Variants in HMG20A observed in about 807,000 individuals in gnomAD.
HMG20A encodes high mobility group 20A.
Under a neutral mutation model 43.9 loss-of-function variants are expected in HMG20A, and 17 were observed. The observed-to-expected ratio is 0.39, with a 90% CI of 0.27 to 0.58. The LOEUF (loss-of-function observed/expected upper bound fraction) is 0.58. HMG20A is among the 20% of genes least tolerant of loss of function. HMG20A has a pLI of 0.59. For missense variants in HMG20A, 341 were observed against 438.2 expected (o/e 0.78, Z 1.98); for synonymous variants, 132 against 147.5 (o/e 0.89, Z 0.76).
chr15:77,511,532 A>G, the HMG20A span, among the ~76,000 whole-genome samples: 2 of 152,254 alleles, frequency 1.3e-5, no homozygotes, highest in Non-Finnish European at 2.9e-5. Flanking sequence ...TCGAAAGCAC[A>G]TAAGATAATA....
chr15:77,440,358 G>A (rs961226223), intron 1 of HMG20A, among the ~76,000 whole-genome samples: 1 of 152,116 alleles, frequency 6.6e-6, no homozygotes, highest in African/African-American at 2.4e-5. Context: ...AGAAGTAAAT[G>A]GATAGAAATG....
intron 1 of HMG20A, among the ~76,000 whole-genome samples, chr15:77,434,503 A>G (rs1295684033): frequency 6.6e-6 from 1 of 152,190 alleles, no homozygotes; most frequent in African/African-American, 2.4e-5. Context: ...TCAACAAGGG[A>G]CTTGTAGAGC....
At chr15:77,500,552 C>T in the HMG20A span, among the ~76,000 whole-genome samples, 1 of 139,630 alleles carries the variant, frequency 7.2e-6, no homozygotes, top group Admixed American at 7.7e-5. Context: ...GTTCCCCAAA[C>T]CCTCCCTGTT....
At chr15:77,461,417 C>T (rs977577324) in intron 2 of HMG20A, among the ~76,000 whole-genome samples, 6 of 152,082 alleles carry the variant, frequency 3.9e-5, no homozygotes, top group Admixed American at 2.0e-4. Flanking sequence ...TACGTATATG[C>T]TGATTGGACT....
chr15:77,491,020 T>A, the HMG20A span, among the ~76,000 whole-genome samples: 1 of 152,266 alleles, frequency 6.6e-6, no homozygotes, highest in Non-Finnish European at 1.5e-5. Flanking sequence ...TCCTTTTTAA[T>A]TCTTGACGCT....
chr15:77,471,995 T>A (rs1407343485), intron 6 of HMG20A, among the ~76,000 whole-genome samples, 181 bp downstream of exon 6: 1 of 152,112 alleles, frequency 6.6e-6, no homozygotes, highest in African/African-American at 2.4e-5. Context: ...ACGTTGTGTG[T>A]CTGTCATTGA....
intron 3 of HMG20A, among the ~76,000 whole-genome samples, chr15:77,465,650 C>T (rs2072750717): frequency 6.6e-6 from 1 of 152,046 alleles, no homozygotes; most frequent in South Asian, 2.1e-4. Flanking sequence ...CTGCCTTGGC[C>T]CTCCAAAGTG....
chr15:77,455,181 CTAT>C (rs897855144), intron 1 of HMG20A, among the ~76,000 whole-genome samples: 2 of 150,970 alleles, frequency 1.3e-5, no homozygotes, highest in Admixed American at 1.3e-4. Context: ...GTGATCATCC[CTAT>C]TATTGGGAAA....
chr15:77,469,723 G>A (rs1433300388), intron 4 of HMG20A, among the ~76,000 whole-genome samples: 1 of 151,894 alleles, frequency 6.6e-6, no homozygotes, highest in African/African-American at 2.4e-5. Context: ...ACTGGAGTGC[G>A]GTGGCACACT....
the HMG20A span, among the ~76,000 whole-genome samples, chr15:77,505,372 A>C: frequency 6.6e-6 from 1 of 152,218 alleles, no homozygotes; most frequent in African/African-American, 2.4e-5. Flanking sequence ...CATCTTCTTC[A>C]GTCAGGGGAC....
At chr15:77,503,507 C>A in the HMG20A span, among the ~76,000 whole-genome samples, 1 of 152,124 alleles carries the variant, frequency 6.6e-6, no homozygotes, top group African/African-American at 2.4e-5. Flanking sequence ...CCTAGCTGAC[C>A]CCACTTGAGC....
intron 1 of HMG20A, among the ~76,000 whole-genome samples, chr15:77,425,571 G>C (rs1178468783): frequency 6.6e-6 from 1 of 152,118 alleles, no homozygotes; most frequent in East Asian, 1.9e-4. Flanking sequence ...TGTAAGAACT[G>C]ATCTCTGCTC....
chr15:77,453,253 AAC>A (rs2072620991), intron 1 of HMG20A, among the ~76,000 whole-genome samples: 1 of 152,136 alleles, frequency 6.6e-6, no homozygotes, highest in Non-Finnish European at 1.5e-5. Flanking sequence ...AATAATACAA[AAC>A]ACAATTTGAA....
chr15:77,515,950 C>G, the HMG20A span, among the ~76,000 whole-genome samples: 1 of 152,140 alleles, frequency 6.6e-6, no homozygotes, highest in Admixed American at 6.5e-5. Flanking sequence ...TCCCATGACA[C>G]CCTCCAGGGG....
intron 1 of HMG20A, among the ~76,000 whole-genome samples, chr15:77,436,155 G>A (rs897561664): frequency 2.0e-5 from 3 of 151,956 alleles, no homozygotes; most frequent in African/African-American, 7.3e-5. Flanking sequence ...TCTACATCTC[G>A]AGTATTCCTT....
intron 1 of HMG20A, among the ~76,000 whole-genome samples, chr15:77,444,152 G>A (rs1333449472): frequency 3.9e-5 from 6 of 152,104 alleles, no homozygotes; most frequent in East Asian, 3.9e-4. Context: ...TGATCCTCAC[G>A]GTAGCCCTTT....
chr15:77,443,687 CTT>C (rs1433208429), intron 1 of HMG20A, among the ~76,000 whole-genome samples: 1 of 151,356 alleles, frequency 6.6e-6, no homozygotes, highest in East Asian at 1.9e-4. Flanking sequence ...TCCTTCCAAT[CTT>C]TTTTCTTATG....
chr15:77,429,064 C>T (rs940380187), intron 1 of HMG20A, among the ~76,000 whole-genome samples: 4 of 151,772 alleles, frequency 2.6e-5, no homozygotes, highest in East Asian at 1.9e-4. Flanking sequence ...ATATGTTGGC[C>T]GGGCACAGTG....
Position 77,443,376 on chromosome 15 carries a change from G to GATTATTATTATT in HMG20A, c.-4-15026_-4-15025insTATTATTATTAT, listed in dbSNP as rs1491110236. ...TTATGATGATGATGATGATGATGAT[G>GATTATTATTATT]ATGATTATTATTATTATTATTATTA... On this transcript the variant is annotated intron_variant, in intron 1 of 9. Coordinates refer to ENST00000336216, the MANE Select transcript of HMG20A (RefSeq NM_001304504.2). 5.6e-3 allele frequency among the ~76,000 whole-genome samples: 679 copies of GATTATTATTATT among 121,200 alleles called. 1 individual carries two copies. The highest frequency in any genetic ancestry group is 6.7e-3 in the Admixed American group (78 of 11,648). The allele number at this position is 121,200 out of a possible 152,430, so 79.5% of individuals were successfully genotyped here.
Sources: gnomAD v4.1 joint callset for allele counts (sites outside exome capture counted in the v4.1 genomes callset) on GRCh38, gnomAD v4.1.1 for gene constraint, MANE v1.5 for transcripts, NCBI Gene and HGNC (gene_info 2026-07-23, HGNC 2026-07-21) for gene names.